Variants in RARB observed in about 807,000 individuals in gnomAD.
RARB encodes the protein retinoic acid receptor beta.
A neutral mutation model predicts 51.9 loss-of-function variants in RARB; 17 were observed. That is an observed-to-expected ratio of 0.33 (90% CI 0.22 to 0.49). The LOEUF is 0.49. RARB is among the 20% of genes least tolerant of loss of function. The pLI is 0.99. For missense variants in RARB, 369 were observed against 550.8 expected, an observed-to-expected ratio of 0.67 and a Z score of 3.30; for synonymous variants, 215 against 195.4, an observed-to-expected ratio of 1.10 and a Z score of -0.84.
rs139584096 is a variant in RARB, at chr3:25,580,677, C to T, written c.741C>T (p.Ile247=). Residue 247 remains isoleucine, a synonymous_variant, in exon 5 of 8, where the codon ATC becomes ATT. Coordinates refer to ENST00000330688, the MANE Select transcript of RARB (RefSeq NM_000965.5). Reference sequence around the variant, plus strand: ...TGCCTGGTTTCACTGGCTTGACCATCGCAGACCAAATTACCCTGCTGAAGG... The same window carrying T: ...TGCCTGGTTTCACTGGCTTGACCATTGCAGACCAAATTACCCTGCTGAAGG... The part of the protein sequence containing the change: ...KRLPGFTGLT[I]ADQITLLKAA... The T allele has an allele frequency of 1.2e-4, 197 of 1,611,434 alleles. No homozygotes were observed. The highest frequency in any genetic ancestry group is 1.5e-4 in the Non-Finnish European group (180 of 1,177,998).
chr3:24,997,067 A>C (rs4410417), intron 2 of RARB, among the ~76,000 whole-genome samples: 118,975 of 152,018 alleles, frequency 0.78, 46,936 homozygotes, highest in East Asian at 0.94. Context: ...TGAGTTCTCC[A>C]GCTATTATTG....
chr3:25,356,320 A>G (rs1472937583), intron 5 of RARB, among the ~76,000 whole-genome samples: 1 of 152,120 alleles, frequency 6.6e-6, no homozygotes, highest in Non-Finnish European at 1.5e-5. Flanking sequence ...ATAGGAGGGA[A>G]AAAAAGGTTT....
chr3:25,444,504 T>G (rs1017729718), intron 1 of RARB, among the ~76,000 whole-genome samples: 14 of 152,098 alleles, frequency 9.2e-5, no homozygotes, highest in African/African-American at 3.4e-4. Flanking sequence ...CACATCAGGC[T>G]TATTATTTAC....
At chr3:24,883,071 T>A (rs1703200046) in intron 2 of RARB, among the ~76,000 whole-genome samples, 2 of 152,184 alleles carry the variant, frequency 1.3e-5, no homozygotes, top group African/African-American at 2.4e-5. Flanking sequence ...TTTCTCCTTG[T>A]GACATTCATT....
At chr3:25,372,278 T>C (rs1706324737) in intron 5 of RARB, among the ~76,000 whole-genome samples, 1 of 152,212 alleles carries the variant, frequency 6.6e-6, no homozygotes, top group African/African-American at 2.4e-5. Flanking sequence ...TATTGTAGGA[T>C]ATTTAGCAAC....
chr3:25,448,979 A>G (rs1575413948), intron 1 of RARB, among the ~76,000 whole-genome samples: 3 of 151,974 alleles, frequency 2.0e-5, no homozygotes, highest in African/African-American at 7.3e-5. Context: ...CAGAAAAGCT[A>G]TTGCACAACC....
chr3:25,440,356 G>A (rs539762199), intron 1 of RARB, among the ~76,000 whole-genome samples: 12 of 151,868 alleles, frequency 7.9e-5, no homozygotes, highest in Middle Eastern at 3.4e-3. Context: ...TAGGGTGGGA[G>A]GATAATCGGA....
At chr3:25,054,172 T>C (rs1040669164) in intron 2 of RARB, among the ~76,000 whole-genome samples, 3 of 152,178 alleles carry the variant, frequency 2.0e-5, no homozygotes, top group African/African-American at 7.2e-5. Context: ...GTGTCTAAAA[T>C]GTAGACTCAT....
chr3:25,321,666 G>A lies in RARB; in HGVS notation c.179-139527G>A, dbSNP rs374611837. ...TGGGAGGCAAAGGTTGCAGTGAGCC[G>A]AGATCATGCCACTGTATCCCAGCCT... On this transcript the variant is annotated intron_variant, in intron 5 of 11. Transcript: ENST00000383772. Among the ~76,000 whole-genome samples, 40 of 152,034 alleles carry A rather than the reference G, an allele frequency of 2.6e-4. 1 individual carries two copies. The East Asian group carries it at 5.4e-3, about 21-fold the overall frequency.
At chr3:25,359,590 C>T (rs922851832) in intron 5 of RARB, among the ~76,000 whole-genome samples, 6 of 152,020 alleles carry the variant, frequency 3.9e-5, no homozygotes, top group Non-Finnish European at 7.4e-5. Flanking sequence ...TAGATCTTTC[C>T]TGCTTTCTTC....
At chr3:24,856,298 G>A (rs1215743178) in intron 1 of RARB, among the ~76,000 whole-genome samples, 8 of 152,194 alleles carry the variant, frequency 5.3e-5, no homozygotes, top group Non-Finnish European at 7.4e-5. Flanking sequence ...ACTTTGTGGC[G>A]AGGCTTCCTG....
chr3:25,343,580 T>C (rs1705297887), intron 5 of RARB, among the ~76,000 whole-genome samples: 1 of 152,172 alleles, frequency 6.6e-6, no homozygotes, highest in African/African-American at 2.4e-5. Flanking sequence ...TTCCCAAATT[T>C]ATGTTCCACA....
At chr3:24,912,192 T>A (rs1695002776) in intron 2 of RARB, among the ~76,000 whole-genome samples, 1 of 152,008 alleles carries the variant, frequency 6.6e-6, no homozygotes, top group Non-Finnish European at 1.5e-5. Context: ...AGGGGGGAAA[T>A]GTGGCTCCAT....
chr3:25,051,033 A>G (rs1421360582), intron 2 of RARB, among the ~76,000 whole-genome samples: 1 of 152,046 alleles, frequency 6.6e-6, no homozygotes, highest in East Asian at 1.9e-4. Context: ...AACTGTGTGG[A>G]TTTATGGCTT....
At chr3:25,589,833 C>G (rs1031834148) in intron 5 of RARB, among the ~76,000 whole-genome samples, 1 of 152,218 alleles carries the variant, frequency 6.6e-6, no homozygotes, top group African/African-American at 2.4e-5. Context: ...TTACCCATCT[C>G]GTGGGGCCTG....
chr3:24,964,791 A>G (rs1234528968), intron 2 of RARB, among the ~76,000 whole-genome samples: 4 of 152,158 alleles, frequency 2.6e-5, no homozygotes, highest in Admixed American at 1.3e-4. Context: ...ATGCTTATTG[A>G]CATCTCCTAA....
chr3:25,159,416 C>G (rs1045797338), intron 4 of RARB, among the ~76,000 whole-genome samples: 3 of 150,822 alleles, frequency 2.0e-5, no homozygotes, highest in Non-Finnish European at 3.0e-5. Flanking sequence ...TGATCCACCC[C>G]CCCCGCTCCC....
chr3:25,409,648 G>C (rs1365141458), intron 5 of RARB, among the ~76,000 whole-genome samples: 1 of 152,138 alleles, frequency 6.6e-6, no homozygotes, highest in African/African-American at 2.4e-5. Context: ...GGTATACAGA[G>C]TGCAAACTGC....
At chr3:25,120,025 T>C (rs1699754249) in intron 3 of RARB, among the ~76,000 whole-genome samples, 1 of 152,082 alleles carries the variant, frequency 6.6e-6, no homozygotes, top group Non-Finnish European at 1.5e-5. Flanking sequence ...TTTAAAATCA[T>C]CCATCACAGG....
Sources: allele counts gnomAD v4.1 joint callset (sites outside exome capture counted in the v4.1 genomes callset), GRCh38; gene constraint gnomAD v4.1.1; transcripts MANE v1.5; gene names NCBI Gene and HGNC (gene_info 2026-07-23, HGNC 2026-07-21).